SEC13: variants seen among roughly 807,000 people sequenced by gnomAD.
SEC13 encodes SEC13 homolog, nuclear pore and COPII component.
In SEC13, 25 loss-of-function variants were observed where a neutral mutation model predicts 49.2. That is an observed-to-expected ratio of 0.51 (90% CI 0.37 to 0.71). The LOEUF (loss-of-function observed/expected upper bound fraction) is 0.71, where lower values mean the gene tolerates loss of function less well. SEC13 is among the 30% of genes least tolerant of loss of function. SEC13 has a pLI of 0.00. For synonymous variants in SEC13, 148 were observed against 163.9 expected, an observed-to-expected ratio of 0.90 and a Z score of 0.74; for missense variants, 383 against 417.6, an observed-to-expected ratio of 0.92 and a Z score of 0.72.
chr3:10,315,538 T>A, intron 2 of SEC13, 102 bp from the exon 3 acceptor site: 1 of 682,484 alleles, frequency 1.5e-6, no homozygotes, highest in Non-Finnish European at 2.6e-6. Flanking sequence ...AGAATCTCCC[T>A]GAAATCAATC....
chr3:10,317,934 C>T, intron 2 of SEC13, 116 bp downstream of exon 2: 1 of 677,992 alleles, frequency 1.5e-6, no homozygotes, highest in Non-Finnish European at 2.6e-6. Context: ...CACTGCAAAG[C>T]CACCCTGGAT....
At chr3:10,307,969 C>A (rs1392753007) in intron 5 of SEC13, among the ~76,000 whole-genome samples, 1 of 152,174 alleles carries the variant, frequency 6.6e-6, no homozygotes, top group African/African-American at 2.4e-5. Flanking sequence ...TGACTTGTAT[C>A]CTCTAGTAGA....
chr3:10,307,894 T>C (rs1346280966), intron 5 of SEC13, among the ~76,000 whole-genome samples: 1 of 152,186 alleles, frequency 6.6e-6, no homozygotes, highest in Admixed American at 6.5e-5. Context: ...AACCCTCATT[T>C]CGTCTTAGTT....
At chr3:10,308,933 A>ATTTT (rs56801249) in intron 5 of SEC13, among the ~76,000 whole-genome samples, 21 of 102,340 alleles carry the variant, frequency 2.1e-4, no homozygotes, top group African/African-American at 5.7e-4. Flanking sequence ...CCTGGCCTTG[A>ATTTT]TTTTTTTTTT....
intron 8 of SEC13, chr3:10,303,620 A>C (rs1227637233): frequency 7.3e-6 from 2 of 273,158 alleles, no homozygotes; most frequent in Non-Finnish European, 1.4e-5. Context: ...GGTTTTTAAA[A>C]AGCCTTTTCA....
intron 1 of SEC13, among the ~76,000 whole-genome samples, chr3:10,319,990 G>T (rs1289226121): frequency 1.0e-5 from 1 of 97,732 alleles, no homozygotes; most frequent in Non-Finnish European, 2.1e-5. Context: ...AGGGAGTGGG[G>T]AGAGAGGGAG....
chr3:10,307,117 G>T (rs766335415), intron 5 of SEC13, among the ~76,000 whole-genome samples: 24 of 151,922 alleles, frequency 1.6e-4, no homozygotes, highest in Non-Finnish European at 2.9e-4. Context: ...AGGCTGGTAA[G>T]ATCATGGTTC....
intron 1 of SEC13, chr3:10,318,989 TAGAA>T: frequency 1.4e-6 from 1 of 725,190 alleles, no homozygotes; most frequent in Non-Finnish European, 2.3e-6. Flanking sequence ...GCTTTGCAAA[TAGAA>T]GGAACTCAGC....
chr3:10,318,009 C>T (rs955764936), intron 2 of SEC13, 41 bp downstream of exon 2: 11 of 1,427,404 alleles, frequency 7.7e-6, no homozygotes, highest in Non-Finnish European at 1.1e-5. Context: ...CAAAAATGCC[C>T]ATGTCCACAC....
chr3:10,304,443 C>G (rs377336768), intron 7 of SEC13, among the ~76,000 whole-genome samples: 4 of 152,126 alleles, frequency 2.6e-5, no homozygotes, highest in African/African-American at 9.7e-5. Flanking sequence ...TTTCCTCATG[C>G]CTGCCAAGTC....
chr3:10,315,377 G>C lies in SEC13; in HGVS notation c.108C>G (p.Ser36=), dbSNP rs760100035. Residue 36 remains serine, a synonymous_variant, in exon 3 of 9, where the codon TCC becomes TCG. Coordinates refer to ENST00000350697, the MANE Select transcript of SEC13 (RefSeq NM_183352.3). ...CATTGCGCACATCAAAGATTTTGAC[G>C]GACCTGTCTGATGAGCAGGTTGCCA... ...TRLATCSSDR[S]VKIFDVRNGG... 1.2e-6 allele frequency: 2 copies of C among 1,611,664 alleles called. No homozygotes were observed. Among genetic ancestry groups the C allele is most frequent in the Non-Finnish European group, 1.7e-6 (2 of 1,179,016 alleles).
At position 10,320,932 on chromosome 3, in the gene SEC13, G is replaced by A. The variant is rs1000929221; in HGVS notation, c.3+118C>T. On this transcript the variant is annotated intron_variant, in intron 1 of 8. Transcript: ENST00000350697. ...GCCAGAGCCCCCCAAATCTCTAAGC[G>A]GTGGAGGGGAGCTGAACGGCTCCAG... 40 of 1,522,026 alleles carry A rather than the reference G, an allele frequency of 2.6e-5. No individual in the cohort carries two copies. In the Admixed American group the frequency reaches 7.4e-4, roughly 28 times the overall value. 94.3% of individuals were successfully genotyped at this position (1,522,026 alleles called of 1,614,324 possible). A position where few individuals can be genotyped will look rare whatever the true frequency, so the allele number is the denominator to read the frequency against.
At chr3:10,314,895 G>A (rs1205661374) in intron 3 of SEC13, 1 of 158,166 alleles carries the variant, frequency 6.3e-6, no homozygotes, top group East Asian at 1.8e-4. Flanking sequence ...TGAACGAAAT[G>A]GTACTGTTTA....
rs112628776 is a variant in SEC13 at position 10,304,386 on chromosome 3, C to T, written c.709-214G>A. The stretch of plus-strand genomic sequence containing the variant: ...CGGATTCCTTTTCTCATCCGGGTTT[C>T]GGAGGTGGACTCTGTCTGCATTGCT... On this transcript the variant is annotated intron_variant, in intron 7 of 8. Transcript: ENST00000350697. 8.7e-3 allele frequency among the ~76,000 whole-genome samples: 1,325 copies of T among 152,108 alleles called. 10 individuals carry two copies. Among genetic ancestry groups the T allele is most frequent in the Middle Eastern group, 0.041 (12 of 294 alleles).
At chr3:10,304,331 T>C (rs571059872) in intron 7 of SEC13, among the ~76,000 whole-genome samples, 159 bp from the exon 8 acceptor site, 1 of 152,310 alleles carries the variant, frequency 6.6e-6, no homozygotes, top group South Asian at 2.1e-4. Flanking sequence ...CAGCTTTGTT[T>C]CTGTCTCTTC....
intron 8 of SEC13, chr3:10,303,493 T>C (rs985276011): frequency 5.1e-6 from 1 of 196,098 alleles, no homozygotes; most frequent in Non-Finnish European, 1.1e-5. Context: ...TGAAGTACAT[T>C]TGGGTCCCTG....
intron 8 of SEC13, among the ~76,000 whole-genome samples, chr3:10,302,947 A>G (rs1288943200): frequency 6.6e-6 from 1 of 151,938 alleles, no homozygotes; most frequent in African/African-American, 2.4e-5. Flanking sequence ...AAGGACAAAT[A>G]CTGTATGATT....
rs533018220 is a variant in SEC13 at position 10,317,948 on chromosome 3, T to C, written c.48+102A>G. ...CCACTGCAAAGCCACCCTGGATCCA[T>C]GAATGATCAACAGAAAGGGGTAATG... On this transcript the variant is annotated intron_variant, in intron 2 of 8. Coordinates refer to ENST00000350697, the MANE Select transcript of SEC13 (RefSeq NM_183352.3). 3.3e-4 allele frequency: 254 copies of C among 763,806 alleles called. 1 individual carries two copies. Among genetic ancestry groups the C allele is most frequent in the South Asian group, 1.6e-3 (102 of 61,860 alleles). The allele number at this position is 763,806 out of a possible 1,614,324, so 47.3% of individuals were successfully genotyped here. A position where few individuals can be genotyped will look rare whatever the true frequency, so the allele number is the denominator to read the frequency against.
intron 8 of SEC13, among the ~76,000 whole-genome samples, chr3:10,302,010 GAT>G (rs1470622709): frequency 1.3e-5 from 2 of 152,160 alleles, no homozygotes; most frequent in Non-Finnish European, 2.9e-5. Flanking sequence ...GGGAGGCTGA[GAT>G]GGGTGGATCA....
Sources: gnomAD v4.1 joint callset for allele counts (sites outside exome capture counted in the v4.1 genomes callset) on GRCh38, gnomAD v4.1.1 for gene constraint, MANE v1.5 for transcripts, NCBI Gene and HGNC (gene_info 2026-07-23, HGNC 2026-07-21) for gene names.